LRRC7: variants seen among roughly 807,000 people sequenced by gnomAD.
The protein encoded by LRRC7 is leucine rich repeat containing 7, also known as leucine-rich repeat-containing protein 7.
LRRC7 carries 23 observed loss-of-function variants against 175.7 expected under a neutral mutation model. The ratio of observed to expected loss-of-function variants is 0.13; its 90% CI spans 0.09 to 0.19. The LOEUF (loss-of-function observed/expected upper bound fraction) is 0.19, where lower values mean the gene tolerates loss of function less well. Ranked by LOEUF, LRRC7 falls within the 10% of genes least tolerant of loss-of-function variation. LRRC7 has a pLI of 1.00. For synonymous variants in LRRC7, 685 were observed against 680.9 expected, an observed-to-expected ratio of 1.01 and a Z score of -0.09; for missense variants, 1,354 against 1,904.7, an observed-to-expected ratio of 0.71 and a Z score of 5.38.
chr1:69,716,803 T>TA (rs936226193), intron 2 of LRRC7, among the ~76,000 whole-genome samples: 4 of 151,782 alleles, frequency 2.6e-5, no homozygotes, highest in Non-Finnish European at 4.4e-5. Flanking sequence ...GATAAATGGA[T>TA]AAAAAATGAA....
chr1:69,754,240 G>T (rs1670161007), intron 2 of LRRC7, among the ~76,000 whole-genome samples: 1 of 152,014 alleles, frequency 6.6e-6, no homozygotes, highest in African/African-American at 2.4e-5. Context: ...TTTTCAATAG[G>T]TCATCTAGCT....
intron 7 of LRRC7, among the ~76,000 whole-genome samples, chr1:69,860,008 T>C (rs939028968): frequency 6.6e-6 from 1 of 152,016 alleles, no homozygotes; most frequent in African/African-American, 2.4e-5. Context: ...TTCTCTTTTT[T>C]CCCAGTGGTT....
chr1:69,906,333 C>A (rs1646310171), intron 7 of LRRC7, among the ~76,000 whole-genome samples: 1 of 152,074 alleles, frequency 6.6e-6, no homozygotes, highest in African/African-American at 2.4e-5. Context: ...AAGTCCTTGC[C>A]CTTGCCTATG....
intron 3 of LRRC7, among the ~76,000 whole-genome samples, chr1:69,786,696 G>A (rs1018647867): frequency 3.3e-5 from 5 of 152,086 alleles, no homozygotes; most frequent in African/African-American, 4.8e-5. Flanking sequence ...GATCTTGTGA[G>A]ATTTATTCAA....
rs371371658 is a variant in LRRC7 at position 70,135,860 on chromosome 1, G to A, written c.*13973G>A. 2.6e-5 allele frequency among the ~76,000 whole-genome samples: 4 copies of A among 152,138 alleles called. No homozygotes were observed. Among genetic ancestry groups the A allele is most frequent in the Non-Finnish European group, 4.4e-5 (3 of 68,010 alleles). ...AATCTTCAGCCATACTTGTAGAATC[G>A]TTTGACTAAGCAACGGGTATCTTGC... On this transcript the variant is annotated 3_prime_UTR_variant, in exon 27 of 27. Transcript: ENST00000651989.
chr1:69,717,810 G>GAAAT lies in LRRC7; in HGVS notation c.100+39335_100+39336insTAAA, dbSNP rs1354251852. On this transcript the variant is annotated intron_variant, in intron 2 of 26. Coordinates refer to ENST00000651989, the MANE Select transcript of LRRC7 (RefSeq NM_001370785.2). ...AGAAAGAAAGAAAGAAAGAAAGAAA[G>GAAAT]AAAGAAAGAAAGAAAGAAAGAAAGA... Among the ~76,000 whole-genome samples the GAAAT allele has an allele frequency of 1.2e-4, 3 of 24,268 alleles. 1 individual carries two copies. The highest frequency in any genetic ancestry group is 8.1e-4 in the African/African-American group (3 of 3,682). 15.9% of individuals were successfully genotyped at this position (24,268 alleles called of 152,430 possible).
Position 70,142,259 on chromosome 1 carries a change from T to TAA in LRRC7, c.*20373_*20374dup, listed in dbSNP as rs1667091229. ...GGAAAAGGCATCTGGTTCAGGTCAG[T>TAA]AAGGACTGTTGTATGTAAGTTTTAC... On this transcript the variant is annotated 3_prime_UTR_variant, in exon 27 of 27. Coordinates refer to ENST00000651989, the MANE Select transcript of LRRC7 (RefSeq NM_001370785.2). 6.6e-6 allele frequency: 1 copy of TAA among 152,172 alleles called. No homozygotes were observed. Among genetic ancestry groups the TAA allele is most frequent in the South Asian group, 2.1e-4 (1 of 4,834 alleles). The allele number at this position is 152,172 out of a possible 1,614,324, so 9.4% of individuals were successfully genotyped here. A position where few individuals can be genotyped will look rare whatever the true frequency, so the allele number is the denominator to read the frequency against.
At chr1:70,068,294 G>C (rs1053789151) in intron 23 of LRRC7, among the ~76,000 whole-genome samples, 2 of 151,904 alleles carry the variant, frequency 1.3e-5, no homozygotes, top group Non-Finnish European at 2.9e-5. Context: ...CTATTTCTCT[G>C]AACACTTTCA....
chr1:69,810,411 A>C (rs1173836022), intron 4 of LRRC7, among the ~76,000 whole-genome samples: 1 of 152,026 alleles, frequency 6.6e-6, no homozygotes, highest in African/African-American at 2.4e-5. Flanking sequence ...TCACAGAATT[A>C]GAAAAAAATA....
At chr1:70,113,135 T>C (rs1005132734) in intron 26 of LRRC7, among the ~76,000 whole-genome samples, 4 of 152,192 alleles carry the variant, frequency 2.6e-5, no homozygotes, top group African/African-American at 9.6e-5. Flanking sequence ...ATGAAATGTC[T>C]GTCTATGGCT....
intron 4 of LRRC7, among the ~76,000 whole-genome samples, chr1:69,811,343 A>G (rs1570066669): frequency 1.3e-5 from 2 of 152,310 alleles, no homozygotes; most frequent in African/African-American, 4.8e-5. Flanking sequence ...TAGTTCAACC[A>G]TTGTAGAAGA....
chr1:69,930,227 C>T (rs1647242723), intron 7 of LRRC7, among the ~76,000 whole-genome samples: 1 of 152,008 alleles, frequency 6.6e-6, no homozygotes, highest in Non-Finnish European at 1.5e-5. Flanking sequence ...TGTTCTCTGC[C>T]ATACCCCAGA....
intron 7 of LRRC7, among the ~76,000 whole-genome samples, chr1:69,856,710 C>A (rs1683680253): frequency 6.6e-6 from 1 of 152,182 alleles, no homozygotes; most frequent in African/African-American, 2.4e-5. Flanking sequence ...ACCATTCCTT[C>A]TGAAACTATT....
At chr1:69,863,903 A>G (rs900118402) in intron 7 of LRRC7, among the ~76,000 whole-genome samples, 2 of 152,178 alleles carry the variant, frequency 1.3e-5, no homozygotes, top group Admixed American at 1.3e-4. Context: ...ACTCCTTAAG[A>G]TAATGGCCCT....
intron 8 of LRRC7, among the ~76,000 whole-genome samples, chr1:69,957,097 CAT>C (rs1650574918): frequency 6.6e-6 from 1 of 151,734 alleles, no homozygotes; most frequent in East Asian, 1.9e-4. Flanking sequence ...AAACATTTAA[CAT>C]ATATTTATTA....
intron 7 of LRRC7, among the ~76,000 whole-genome samples, chr1:69,929,160 A>G (rs1647188962): frequency 6.6e-6 from 1 of 152,198 alleles, no homozygotes; most frequent in Non-Finnish European, 1.5e-5. Context: ...TGTTATAGGT[A>G]AATGCACAAA....
At chr1:69,612,398 T>G (rs1406814323) in intron 1 of LRRC7, among the ~76,000 whole-genome samples, 1 of 152,040 alleles carries the variant, frequency 6.6e-6, no homozygotes, top group East Asian at 1.9e-4. Flanking sequence ...ACTTGAATGC[T>G]GATGAATTAA....
Position 70,028,295 on chromosome 1 carries a change from C to T in LRRC7, c.1919C>T (p.Thr640Ile), listed in dbSNP as rs987456834. 1.2e-6 allele frequency: 2 copies of T among 1,613,806 alleles called. No individual in the cohort carries two copies. Among genetic ancestry groups the T allele is most frequent in the Admixed American group, 3.3e-5 (2 of 59,984 alleles). Reference protein sequence around the residue: ...HGVRVENSNPTANTEQTVKEK... With the variant: ...HGVRVENSNPIANTEQTVKEK... ...GTGCGTGTTGAGAATTCAAATCCAACTGCTAACACGGAGCAAACTGTGAAA... is the reference window on the plus strand; with the variant it reads ...GTGCGTGTTGAGAATTCAAATCCAATTGCTAACACGGAGCAAACTGTGAAA... The change falls in exon 18 of 27, where the codon ACT becomes ATT. Residue 640 changes from threonine (T) to isoleucine (I), a missense_variant. By Grantham distance (89) the Thr-to-Ile change is moderately conservative. Around this residue, in one of 4 missense-constraint regions of LRRC7, gnomAD observed 1,032 missense variants for 1,227.2 expected, o/e 0.84. Transcript: ENST00000651989.
chr1:69,977,493 T>C (rs939502575), intron 8 of LRRC7, among the ~76,000 whole-genome samples: 16 of 152,224 alleles, frequency 1.1e-4, no homozygotes, highest in African/African-American at 3.9e-4. Context: ...ATGAATAAAT[T>C]ATAGAAGTGC....
Sources: gnomAD v4.1 joint callset for allele counts (sites outside exome capture counted in the v4.1 genomes callset) on GRCh38, gnomAD v4.1.1 for gene constraint, gnomAD v4.1.1 regional missense constraint, MANE v1.5 for transcripts, NCBI Gene and HGNC (gene_info 2026-07-23, HGNC 2026-07-21) for gene names.